HELQ: variants seen among roughly 807,000 people sequenced by gnomAD.
HELQ encodes helicase, POLQ like.
In HELQ, 77 loss-of-function variants were observed where a neutral mutation model predicts 111.6. The observed-to-expected ratio is 0.69, with a 90% CI of 0.57 to 0.83. The LOEUF is 0.83. Among genes scored for constraint, HELQ ranks in the 40% least tolerant of loss-of-function variants. The pLI, the probability that HELQ is intolerant of heterozygous loss-of-function variation, is 0.00. For missense variants in HELQ, 1,200 were observed against 1,288.5 expected, an observed-to-expected ratio of 0.93 and a Z score of 1.05; for synonymous variants, 438 against 454.7, an observed-to-expected ratio of 0.96 and a Z score of 0.47.
At chr4:83,431,878 A>G (rs1483239042) in intron 10 of HELQ, 110 bp from the exon 11 acceptor site, 6 of 519,760 alleles carry the variant, frequency 1.2e-5, no homozygotes, top group Non-Finnish European at 1.9e-5. Flanking sequence ...AAGGAGACCA[A>G]AAAAGTAAAG....
intron 17 of HELQ, 121 bp downstream of exon 17, chr4:83,416,610 C>G (rs747149965): frequency 2.0e-6 from 2 of 1,007,632 alleles, no homozygotes; most frequent in Non-Finnish European, 1.5e-6. Flanking sequence ...AGAGTATGTA[C>G]TTTTGTATCT....
intron 8 of HELQ, 88 bp downstream of exon 8, chr4:83,439,775 C>G: frequency 1.2e-6 from 1 of 856,296 alleles, no homozygotes; most frequent in South Asian, 1.7e-5. Context: ...TTTTGCAAGG[C>G]ATAATTAGTG....
Position 83,429,540 on chromosome 4 carries a change from T to C in HELQ, c.2502A>G (p.Gly834=), listed in dbSNP as rs1436961125. The change falls in exon 12 of 18, where the codon GGA becomes GGG. Residue 834 remains glycine (G), a synonymous_variant. Transcript: ENST00000295488. ...AACTCTTACCCTTAAATGAAGCACGTCCCAACTTTGTAATATGAAAATTAT... is the reference window on the plus strand; with the variant it reads ...AACTCTTACCCTTAAATGAAGCACGCCCCAACTTTGTAATATGAAAATTAT... ...VQYNFHITKL[G]RASFKGTIDL... is the part of the protein sequence containing the mutation. The C allele has an allele frequency of 2.5e-6, 4 of 1,603,810 alleles. No homozygotes were observed. The African/African-American group carries it at 4.0e-5, about 16-fold the overall frequency.
At chr4:83,426,201 A>G in intron 13 of HELQ, 109 bp from the exon 14 acceptor site, 1 of 657,940 alleles carries the variant, frequency 1.5e-6, no homozygotes. Flanking sequence ...TACAAAAAAC[A>G]AGATAAATAT....
At chr4:83,419,335 T>C (rs1341032628) in intron 15 of HELQ, among the ~76,000 whole-genome samples, 1 of 151,630 alleles carries the variant, frequency 6.6e-6, no homozygotes, top group African/African-American at 2.4e-5. Flanking sequence ...CCCAGCACTC[T>C]GGGAGGCCAA....
Position 83,420,983 on chromosome 4 carries a change from T to C in HELQ, c.2949+580A>G, listed in dbSNP as rs111857235. On this transcript the variant is annotated intron_variant, in intron 15 of 17. Transcript: ENST00000295488. ...CACCACGCCTGGCTAATTTTTCTTA[T>C]TTTTTGTAGAGATGGAGTTTTCCCA... Among the ~76,000 whole-genome samples the C allele has an allele frequency of 4.3e-3, 658 of 152,196 alleles. 8 individuals carry two copies. Among genetic ancestry groups the C allele is most frequent in the African/African-American group, 0.015 (631 of 41,544 alleles).
At chr4:83,436,151 C>T (rs1720445766) in intron 9 of HELQ, among the ~76,000 whole-genome samples, 1 of 152,004 alleles carries the variant, frequency 6.6e-6, no homozygotes, top group East Asian at 1.9e-4. Flanking sequence ...AAAGGAGAAA[C>T]TGATAACTAC....
At chr4:83,428,714 G>A (rs760219057) in intron 12 of HELQ, among the ~76,000 whole-genome samples, 1 of 152,034 alleles carries the variant, frequency 6.6e-6, no homozygotes, top group East Asian at 1.9e-4. Context: ...TTGGGAGGCA[G>A]GAGGATTACT....
At chr4:83,442,260 ATTTTT>A (rs70949710) in intron 6 of HELQ, among the ~76,000 whole-genome samples, 10 of 82,076 alleles carry the variant, frequency 1.2e-4, no homozygotes, top group Non-Finnish European at 1.7e-4. Context: ...AAAAACATCA[ATTTTT>A]TTTTTTTTTT....
intron 2 of HELQ, 119 bp from the exon 3 acceptor site, chr4:83,449,080 T>C: frequency 2.7e-6 from 2 of 751,554 alleles, no homozygotes; most frequent in Non-Finnish European, 4.2e-6. Flanking sequence ...AAGGATAAAT[T>C]TAATTATAAC....
At chr4:83,428,379 C>T (rs1719955517) in intron 12 of HELQ, among the ~76,000 whole-genome samples, 1 of 151,594 alleles carries the variant, frequency 6.6e-6, no homozygotes, top group Admixed American at 6.6e-5. Flanking sequence ...TGGGCACCAT[C>T]GTGAAACCCC....
chr4:83,453,172 G>C, intron 2 of HELQ, 59 bp downstream of exon 2: 1 of 907,478 alleles, frequency 1.1e-6, no homozygotes. Context: ...CTATTTACTT[G>C]CACTAATATT....
chr4:83,444,581 A>G (rs1720954786), intron 5 of HELQ, among the ~76,000 whole-genome samples: 1 of 152,254 alleles, frequency 6.6e-6, no homozygotes, highest in Admixed American at 6.5e-5. Context: ...GCCATATGAC[A>G]TCCTGGGCAA....
intron 12 of HELQ, among the ~76,000 whole-genome samples, chr4:83,428,334 CAT>C (rs1031153059): frequency 1.3e-5 from 2 of 150,636 alleles, no homozygotes; most frequent in African/African-American, 4.9e-5. Context: ...TAACAACAGA[CAT>C]GTATTATTTT....
At chr4:83,435,137 A>C (rs1720381843) in intron 9 of HELQ, among the ~76,000 whole-genome samples, 1 of 152,164 alleles carries the variant, frequency 6.6e-6, no homozygotes, top group Admixed American at 6.5e-5. Context: ...AAAATTATTT[A>C]ATTATTTAGT....
chr4:83,422,351 C>T (rs72944442), intron 14 of HELQ, among the ~76,000 whole-genome samples: 11,805 of 152,212 alleles, frequency 0.078, 1,544 homozygotes, highest in African/African-American at 0.27. Flanking sequence ...TGTACAAATC[C>T]TAACCCCTGG....
chr4:83,453,688 AATAGTGACACCTTC>A lies in HELQ; in HGVS notation c.541_554del (p.Glu181Ter). ...CATACAAAAGATCAGCTCCAGGTTC[AATAGTGACACCTTC>A]ATATCCACTCTGGTTCTCTGTGTGC... On this transcript the variant is annotated frameshift_variant, in exon 2 of 18. Transcript: ENST00000295488. LOFTEE classifies it high-confidence loss of function. 1 of 1,614,152 alleles carries A rather than the reference AATAGTGACACCTTC, an allele frequency of 6.2e-7. No individual in the cohort carries two copies. The highest frequency in any genetic ancestry group is 8.5e-7 in the Non-Finnish European group (1 of 1,179,978).
chr4:83,441,810 T>C (rs1720773639), intron 6 of HELQ, among the ~76,000 whole-genome samples: 2 of 146,494 alleles, frequency 1.4e-5, no homozygotes, highest in African/African-American at 5.0e-5. Context: ...TCTCACTCTA[T>C]CACCCAGGCT....
intron 17 of HELQ, 83 bp from the exon 18 acceptor site, chr4:83,407,643 C>A: frequency 1.3e-6 from 1 of 790,640 alleles, no homozygotes; most frequent in Non-Finnish European, 2.2e-6. Flanking sequence ...CATTGAACAC[C>A]TGAATCCTTA....
Sources: allele counts gnomAD v4.1 joint callset (sites outside exome capture counted in the v4.1 genomes callset), GRCh38; gene constraint gnomAD v4.1.1; transcripts MANE v1.5; gene names NCBI Gene and HGNC (gene_info 2026-07-23, HGNC 2026-07-21).